TBC1D5: variants seen among roughly 807,000 people sequenced by gnomAD.
The protein encoded by TBC1D5 is TBC1 domain family, member 5.
In TBC1D5, 75 loss-of-function variants were observed where a neutral mutation model predicts 100.3. The ratio of observed to expected loss-of-function variants is 0.75; its 90% CI spans 0.62 to 0.91. The LOEUF is 0.91. Ranked by LOEUF, TBC1D5 falls within the 40% of genes least tolerant of loss-of-function variation. The probability of loss-of-function intolerance (pLI) is 0.00; values close to 1 mark genes in which losing one functional copy is unlikely to be tolerated. For missense variants in TBC1D5, 910 were observed against 942.4 expected (o/e 0.97, Z 0.45); for synonymous variants, 323 against 325.6 (o/e 0.99, Z 0.09).
At chr3:17,420,673 T>C (rs772697232) in intron 4 of TBC1D5, among the ~76,000 whole-genome samples, 1 of 152,208 alleles carries the variant, frequency 6.6e-6, no homozygotes, top group Non-Finnish European at 1.5e-5. Flanking sequence ...AAATATTTAA[T>C]TGACTTTGTA....
At chr3:17,158,642 C>T (rs899875856) in exon 22 of TBC1D5, 2 of 152,178 alleles carry the variant, frequency 1.3e-5, no homozygotes, top group African/African-American at 4.8e-5. Context: ...ATGGAGAGGA[C>T]CGAGAGGACC....
At chr3:17,291,277 T>A (rs1464774751) in intron 15 of TBC1D5, among the ~76,000 whole-genome samples, 1 of 152,252 alleles carries the variant, frequency 6.6e-6, no homozygotes, top group Non-Finnish European at 1.5e-5. Context: ...TTTCAAGAAA[T>A]ATAACATTAG....
intron 2 of TBC1D5, among the ~76,000 whole-genome samples, chr3:17,555,048 C>T (rs1480304435): frequency 6.6e-6 from 1 of 151,884 alleles, no homozygotes; most frequent in African/African-American, 2.4e-5. Context: ...TGGGGGTTTC[C>T]CCATGTTGGC....
intron 8 of TBC1D5, among the ~76,000 whole-genome samples, chr3:17,402,431 A>G (rs2093671724): frequency 6.6e-6 from 1 of 152,150 alleles, no homozygotes; most frequent in Non-Finnish European, 1.5e-5. Flanking sequence ...ATAATGATTT[A>G]TAGTTTAAAG....
At chr3:17,573,953 G>A (rs1219996774) in intron 2 of TBC1D5, among the ~76,000 whole-genome samples, 1 of 151,944 alleles carries the variant, frequency 6.6e-6, no homozygotes, top group Non-Finnish European at 1.5e-5. Flanking sequence ...CGAGAACACT[G>A]CCACAGTACG....
intron 2 of TBC1D5, among the ~76,000 whole-genome samples, chr3:17,609,797 C>G (rs1262857382): frequency 6.6e-6 from 1 of 152,214 alleles, no homozygotes; most frequent in Admixed American, 6.5e-5. Flanking sequence ...CTTCTCAACA[C>G]AGCCTTGGAC....
Position 17,669,736 on chromosome 3 carries a change from CA to C in TBC1D5, c.-100-45824del, listed in dbSNP as rs547288966. Reference sequence around the variant, plus strand: ...GTTATTACAGTAGTAATTGTTGTTTCAGGGGGCTGGCACATATAACCTTTAA... The same window carrying C: ...GTTATTACAGTAGTAATTGTTGTTTCGGGGGCTGGCACATATAACCTTTAA... On this transcript the variant is annotated intron_variant, in intron 1 of 21. Coordinates refer to ENST00000253692, the Ensembl canonical transcript of TBC1D5. Among the ~76,000 whole-genome samples, 531 of 152,332 alleles carry C rather than the reference CA, an allele frequency of 3.5e-3. 4 individuals are homozygous for C. Among genetic ancestry groups the C allele is most frequent in the African/African-American group, 0.012 (503 of 41,578 alleles).
intron 2 of TBC1D5, among the ~76,000 whole-genome samples, chr3:17,518,571 C>T (rs532507512): frequency 3.3e-5 from 5 of 152,340 alleles, no homozygotes; most frequent in East Asian, 1.9e-4. Context: ...TAAAATCCCC[C>T]GCATTTACCA....
intron 19 of TBC1D5, among the ~76,000 whole-genome samples, chr3:17,171,383 AC>A (rs1201187851): frequency 6.6e-6 from 1 of 152,204 alleles, no homozygotes; most frequent in Non-Finnish European, 1.5e-5. Flanking sequence ...GTAACAGAGT[AC>A]TACAAACTGG....
intron 2 of TBC1D5, among the ~76,000 whole-genome samples, chr3:17,616,643 TG>T (rs1474246063): frequency 6.6e-6 from 1 of 152,230 alleles, no homozygotes; most frequent in Non-Finnish European, 1.5e-5. Context: ...CATTATGTAA[TG>T]GCCTTCTTTG....
intron 1 of TBC1D5, among the ~76,000 whole-genome samples, chr3:17,727,125 G>A (rs2076192566): frequency 6.6e-6 from 1 of 152,238 alleles, no homozygotes; most frequent in African/African-American, 2.4e-5. Flanking sequence ...GCTCATGCCT[G>A]TAATCCTAGC....
At chr3:17,486,670 A>T (rs1407880055) in intron 3 of TBC1D5, among the ~76,000 whole-genome samples, 2 of 152,194 alleles carry the variant, frequency 1.3e-5, no homozygotes, top group Non-Finnish European at 2.9e-5. Context: ...AGGAAAGATT[A>T]ATAAAGACGG....
intron 2 of TBC1D5, among the ~76,000 whole-genome samples, chr3:17,572,309 A>C (rs898379049): frequency 6.6e-6 from 1 of 151,830 alleles, no homozygotes; most frequent in African/African-American, 2.4e-5. Context: ...TCAGTTAAAA[A>C]AAAAAAAGAG....
At chr3:17,440,485 C>T (rs1425433896) in intron 3 of TBC1D5, among the ~76,000 whole-genome samples, 8 of 151,824 alleles carry the variant, frequency 5.3e-5, no homozygotes, top group Non-Finnish European at 1.0e-4. Context: ...GGCATGGTGG[C>T]GTGCACCTGT....
chr3:17,460,239 G>A (rs1470360289), intron 3 of TBC1D5, among the ~76,000 whole-genome samples: 2 of 152,140 alleles, frequency 1.3e-5, no homozygotes, highest in Non-Finnish European at 2.9e-5. Context: ...AACTACCTGG[G>A]AATTCACAGC....
intron 2 of TBC1D5, among the ~76,000 whole-genome samples, chr3:17,534,497 G>A (rs1423387843): frequency 6.6e-6 from 1 of 152,116 alleles, no homozygotes; most frequent in Non-Finnish European, 1.5e-5. Context: ...TGCAAAATCT[G>A]TAGTAACAGA....
intron 3 of TBC1D5, among the ~76,000 whole-genome samples, chr3:17,459,401 A>C (rs192895735): frequency 6.6e-6 from 1 of 152,222 alleles, no homozygotes; most frequent in Non-Finnish European, 1.5e-5. Flanking sequence ...CTGATCTGAC[A>C]GGAGGCAGAG....
exon 22 of TBC1D5, chr3:17,160,120 A>G (rs1406278465): frequency 6.6e-6 from 1 of 152,230 alleles, no homozygotes. Flanking sequence ...TAATATTCTT[A>G]TATCTTTTGA....
intron 17 of TBC1D5, among the ~76,000 whole-genome samples, chr3:17,220,361 G>A (rs1430414717): frequency 6.6e-6 from 1 of 152,116 alleles, no homozygotes; most frequent in East Asian, 1.9e-4. Context: ...TCAGATAGAG[G>A]AGGACTTCAC....
Sources: gnomAD v4.1 joint callset for allele counts (sites outside exome capture counted in the v4.1 genomes callset) on GRCh38, gnomAD v4.1.1 for gene constraint, MANE v1.5 for transcripts, NCBI Gene and HGNC (gene_info 2026-07-23, HGNC 2026-07-21) for gene names.